Variants in MEIS2 observed in about 807,000 individuals in gnomAD.
MEIS2 encodes homeobox protein Meis2.
In MEIS2, 9 loss-of-function variants were observed where a neutral mutation model predicts 58.6. The observed-to-expected ratio is 0.15, with a 90% CI of 0.09 to 0.27. The LOEUF (loss-of-function observed/expected upper bound fraction) is 0.27. Among genes scored for constraint, MEIS2 ranks in the 10% least tolerant of loss-of-function variants. The pLI is 1.00. For missense variants in MEIS2, 427 were observed against 635.0 expected (o/e 0.67, Z 3.52); for synonymous variants, 221 against 228.4 (o/e 0.97, Z 0.29).
intron 8 of MEIS2, among the ~76,000 whole-genome samples, chr15:37,016,651 T>C (rs1271421200): frequency 1.3e-5 from 2 of 152,194 alleles, no homozygotes; most frequent in African/African-American, 4.8e-5. Flanking sequence ...TTCCTACTAT[T>C]ATGCATATAA....
intron 10 of MEIS2, among the ~76,000 whole-genome samples, chr15:36,895,917 G>A (rs1595668481): frequency 6.6e-6 from 1 of 152,190 alleles, no homozygotes; most frequent in East Asian, 1.9e-4. Context: ...AGTGGCAGCA[G>A]TCATCACCCC....
intron 6 of MEIS2, among the ~76,000 whole-genome samples, chr15:37,084,456 C>G (rs1180507436): frequency 6.6e-6 from 1 of 152,008 alleles, no homozygotes. Context: ...GACTATATAA[C>G]CAACAAAGGT....
intron 8 of MEIS2, among the ~76,000 whole-genome samples, chr15:36,973,108 A>G (rs1224232350): frequency 6.6e-6 from 1 of 152,220 alleles, no homozygotes; most frequent in Non-Finnish European, 1.5e-5. Flanking sequence ...TCTAAGCCTC[A>G]GTTTGCTCAT....
In MEIS2 at chr15:37,100,349, T is replaced by G. The variant is rs1894949301; in HGVS notation, c.-883A>C. The G allele has an allele frequency of 6.6e-6, 1 of 152,286 alleles. No individual in the cohort carries two copies. The highest frequency in any genetic ancestry group is 6.6e-5 in the Admixed American group (1 of 15,230). 9.4% of individuals were successfully genotyped at this position (152,286 alleles called of 1,614,324 possible). ...TCTCTGGGAGATGAGTGAGTGTCAG[T>G]AGGTGTTGGCAGGTTGGCTGCTGCC... On this transcript the variant is annotated 5_prime_UTR_variant, in exon 1 of 12. Coordinates refer to ENST00000561208, the MANE Select transcript of MEIS2 (RefSeq NM_170675.5).
At chr15:37,045,365 A>G (rs1048641582) in intron 7 of MEIS2, among the ~76,000 whole-genome samples, 1 of 152,206 alleles carries the variant, frequency 6.6e-6, no homozygotes, top group African/African-American at 2.4e-5. Flanking sequence ...ACAGGATTAC[A>G]ACACACTAAG....
intron 8 of MEIS2, among the ~76,000 whole-genome samples, chr15:36,958,147 T>C (rs1458267130): frequency 6.6e-6 from 1 of 152,156 alleles, no homozygotes; most frequent in East Asian, 1.9e-4. Flanking sequence ...GTTTGAGAGA[T>C]GTTAATAATT....
chr15:36,934,044 A>G (rs547350652), intron 9 of MEIS2, among the ~76,000 whole-genome samples: 3 of 152,294 alleles, frequency 2.0e-5, no homozygotes, highest in Admixed American at 6.5e-5. Flanking sequence ...AAAAGCTAAC[A>G]TTTTCTTTTA....
intron 7 of MEIS2, among the ~76,000 whole-genome samples, chr15:37,049,793 T>A (rs2062839370): frequency 6.6e-6 from 1 of 151,890 alleles, no homozygotes; most frequent in South Asian, 2.1e-4. Context: ...GGCCTTTTTT[T>A]TTTTTTTAAG....
At chr15:37,054,244 A>G (rs1348665705) in intron 7 of MEIS2, among the ~76,000 whole-genome samples, 1 of 152,140 alleles carries the variant, frequency 6.6e-6, no homozygotes, top group African/African-American at 2.4e-5. Context: ...CACTCTCACA[A>G]TCTCCCTCAA....
chr15:36,988,883 C>G (rs2060178935), intron 8 of MEIS2, among the ~76,000 whole-genome samples: 1 of 152,100 alleles, frequency 6.6e-6, no homozygotes, highest in African/African-American at 2.4e-5. Context: ...ACTAGATCAT[C>G]TTATCCCTTC....
chr15:36,944,611 G>C (rs565166846), intron 9 of MEIS2, among the ~76,000 whole-genome samples: 1 of 152,116 alleles, frequency 6.6e-6, no homozygotes, highest in South Asian at 2.1e-4. Context: ...AAGCTTTTTT[G>C]TATTCATTTC....
rs564765938 is a variant in MEIS2 at position 37,019,479 on chromosome 15, A to G, written c.900+17335T>C. On this transcript the variant is annotated intron_variant, in intron 8 of 11. Transcript: ENST00000561208. ...CTGTAGTGCACAGATGACAATTTAAATGAGTATTTGGGAGTAGTATTTTGC... is the reference window on the plus strand; with the variant it reads ...CTGTAGTGCACAGATGACAATTTAAGTGAGTATTTGGGAGTAGTATTTTGC... 1.4e-4 allele frequency among the ~76,000 whole-genome samples: 21 copies of G among 152,304 alleles called. No individual in the cohort carries two copies. In the South Asian group the frequency reaches 4.4e-3, roughly 32 times the overall value.
chr15:36,915,543 A>T (rs2057239007), intron 9 of MEIS2, among the ~76,000 whole-genome samples: 1 of 152,112 alleles, frequency 6.6e-6, no homozygotes, highest in Non-Finnish European at 1.5e-5. Context: ...GACCCCAGGG[A>T]GGTGTCACAG....
intron 5 of MEIS2, among the ~76,000 whole-genome samples, chr15:37,094,211 G>A (rs568778532): frequency 6.6e-6 from 1 of 152,326 alleles, no homozygotes; most frequent in African/African-American, 2.4e-5. Flanking sequence ...ACCCAGGGCC[G>A]AGGGTGAGCT....
chr15:37,071,742 C>G (rs889732188), intron 7 of MEIS2, among the ~76,000 whole-genome samples: 1 of 151,980 alleles, frequency 6.6e-6, no homozygotes, highest in African/African-American at 2.4e-5. Flanking sequence ...AGTGACAGAT[C>G]TGAGGATATA....
At chr15:37,005,684 G>T (rs901625798) in intron 8 of MEIS2, among the ~76,000 whole-genome samples, 2 of 152,060 alleles carry the variant, frequency 1.3e-5, no homozygotes, top group Non-Finnish European at 2.9e-5. Flanking sequence ...AGCCTCCCAA[G>T]TTGCTTGGAC....
At chr15:37,082,893 G>A (rs1892418685) in intron 7 of MEIS2, among the ~76,000 whole-genome samples, 1 of 151,930 alleles carries the variant, frequency 6.6e-6, no homozygotes, top group South Asian at 2.1e-4. Context: ...TCCTCTACTT[G>A]GAAGCCTGTC....
Position 37,093,606 on chromosome 15 carries a change from C to T in MEIS2, c.614G>A (p.Gly205Asp). 6.2e-7 allele frequency: 1 copy of T among 1,614,074 alleles called. No individual in the cohort carries two copies. Among genetic ancestry groups the T allele is most frequent in the Non-Finnish European group, 8.5e-7 (1 of 1,180,010 alleles). Residue 205 changes from glycine to aspartate, a missense_variant, in exon 6 of 12, where the codon GGC becomes GAC. This residue lies in a region of MEIS2 where 138 missense variants were observed against 263.0 expected (regional missense o/e 0.52). Transcript: ENST00000561208. ...ATGGTCAGCGAGATTTGTGGAGGAG[C>T]CTGAAAGTTCTTCATGATCTGACTT... ...SSKSDHEELS[G>D]SSTNLADHNP...
chr15:37,089,603 T>C (rs116580982), intron 6 of MEIS2, among the ~76,000 whole-genome samples: 2,902 of 152,292 alleles, frequency 0.019, 87 homozygotes, highest in African/African-American at 0.066. Context: ...CAGGCAATTT[T>C]AAGGTATCTG....
Sources: gnomAD v4.1 joint callset for allele counts (sites outside exome capture counted in the v4.1 genomes callset) on GRCh38, gnomAD v4.1.1 for gene constraint, gnomAD v4.1.1 regional missense constraint, MANE v1.5 for transcripts, NCBI Gene and HGNC (gene_info 2026-07-23, HGNC 2026-07-21) for gene names.